The following TMEM163 variants were observed in gnomAD, a reference collection of about 807,000 sequenced individuals.
TMEM163 encodes transmembrane protein 163.
Under a neutral mutation model 29.3 loss-of-function variants are expected in TMEM163, and 17 were observed. That is an observed-to-expected ratio of 0.58 (90% CI 0.40 to 0.87). The LOEUF is 0.87. Ranked by LOEUF, TMEM163 falls within the 40% of genes least tolerant of loss-of-function variation. The pLI is 0.00. For missense variants in TMEM163, 303 were observed against 381.5 expected (o/e 0.79, Z 1.71); for synonymous variants, 157 against 160.6 (o/e 0.98, Z 0.17).
intron 2 of TMEM163, among the ~76,000 whole-genome samples, chr2:134,566,368 C>G (rs1277120171): frequency 6.6e-6 from 1 of 152,030 alleles, no homozygotes; most frequent in African/African-American, 2.4e-5. Context: ...TCGAGACCAG[C>G]CCAGCCAATA....
Position 134,456,688 on chromosome 2 carries a change from G to A in TMEM163, c.*28C>T, listed in dbSNP as rs2289470. 0.15 allele frequency: 245,961 copies of A among 1,612,514 alleles called. 20,694 individuals carry two copies. Among genetic ancestry groups the A allele is most frequent in the African/African-American group, 0.28 (21,203 of 74,846 alleles). ...TGCCTATGTGGAAACTCCTCATCTCGATGGTCTCATGCGGATGCTGGCCCC... is the reference window on the plus strand; with the variant it reads ...TGCCTATGTGGAAACTCCTCATCTCAATGGTCTCATGCGGATGCTGGCCCC... On this transcript the variant is annotated 3_prime_UTR_variant, in exon 8 of 8. Transcript: ENST00000281924.
chr2:134,571,542 T>C (rs1182402349), intron 2 of TMEM163, among the ~76,000 whole-genome samples: 1 of 152,046 alleles, frequency 6.6e-6, no homozygotes, highest in South Asian at 2.1e-4. Flanking sequence ...ATATTAGGGG[T>C]CCCCAAGACT....
chr2:134,544,911 C>G (rs953034151), intron 4 of TMEM163, among the ~76,000 whole-genome samples: 1 of 152,162 alleles, frequency 6.6e-6, no homozygotes, highest in Non-Finnish European at 1.5e-5. Context: ...AGAACACAGC[C>G]ATCGCCGCTG....
chr2:134,676,826 T>C (rs887555977), intron 2 of TMEM163, among the ~76,000 whole-genome samples: 1 of 152,146 alleles, frequency 6.6e-6, no homozygotes, highest in East Asian at 1.9e-4. Context: ...AACATAAAAA[T>C]ATTTGAGACG....
chr2:134,608,920 G>C (rs1489047999), intron 2 of TMEM163, among the ~76,000 whole-genome samples: 16 of 67,524 alleles, frequency 2.4e-4, no homozygotes, highest in African/African-American at 6.0e-4. Context: ...CCCGAGAACT[G>C]TGCTGGTGAA....
intron 2 of TMEM163, among the ~76,000 whole-genome samples, chr2:134,690,365 AACCTCC>A (rs1684439957): frequency 1.3e-5 from 2 of 151,660 alleles, no homozygotes; most frequent in South Asian, 4.2e-4. Context: ...GGCTCACTGT[AACCTCC>A]ACCTCCTGGG....
At chr2:134,632,736 A>C (rs1682994263) in intron 2 of TMEM163, among the ~76,000 whole-genome samples, 1 of 149,224 alleles carries the variant, frequency 6.7e-6, no homozygotes. Flanking sequence ...AAAAGGCCCT[A>C]TGTTCTTTTT....
chr2:134,602,477 A>G (rs1422638959), intron 2 of TMEM163, among the ~76,000 whole-genome samples: 1 of 152,124 alleles, frequency 6.6e-6, no homozygotes, highest in Non-Finnish European at 1.5e-5. Flanking sequence ...GCCTAGCCCC[A>G]GTTAGGAAGT....
intron 5 of TMEM163, among the ~76,000 whole-genome samples, chr2:134,473,374 A>G (rs1431230981): frequency 6.6e-6 from 1 of 151,978 alleles, no homozygotes; most frequent in Non-Finnish European, 1.5e-5. Context: ...TGTCTCTACT[A>G]AAAATACAAA....
chr2:134,590,266 G>A (rs894482558), intron 2 of TMEM163, among the ~76,000 whole-genome samples: 11 of 152,022 alleles, frequency 7.2e-5, no homozygotes, highest in Middle Eastern at 3.2e-3. Flanking sequence ...AAAGCCAGTC[G>A]GTGGCCAAAC....
At chr2:134,625,443 T>C (rs1682827375) in intron 2 of TMEM163, among the ~76,000 whole-genome samples, 2 of 152,212 alleles carry the variant, frequency 1.3e-5, no homozygotes, top group South Asian at 4.1e-4. Flanking sequence ...CACATATGTA[T>C]TGCTTTCCAT....
At chr2:134,558,529 G>C (rs1032084396) in intron 2 of TMEM163, among the ~76,000 whole-genome samples, 1 of 152,178 alleles carries the variant, frequency 6.6e-6, no homozygotes, top group African/African-American at 2.4e-5. Flanking sequence ...CTGGAAAATG[G>C]ACAGGACCCA....
intron 2 of TMEM163, among the ~76,000 whole-genome samples, chr2:134,677,995 A>C (rs568341973): frequency 6.6e-6 from 1 of 152,260 alleles, no homozygotes. Context: ...AGCACAAAAA[A>C]CGAAGGCGTG....
intron 5 of TMEM163, among the ~76,000 whole-genome samples, chr2:134,480,019 C>A (rs1264593251): frequency 6.6e-6 from 1 of 152,218 alleles, no homozygotes; most frequent in East Asian, 1.9e-4. Context: ...GTCAGCTTTT[C>A]TCCTGGAAGA....
At chr2:134,624,584 T>C (rs1682808967) in intron 2 of TMEM163, among the ~76,000 whole-genome samples, 1 of 152,120 alleles carries the variant, frequency 6.6e-6, no homozygotes, top group Non-Finnish European at 1.5e-5. Flanking sequence ...AACCTGCACA[T>C]GTACCCCTGA....
chr2:134,493,404 C>A (rs762959886), intron 5 of TMEM163, among the ~76,000 whole-genome samples: 13 of 106,356 alleles, frequency 1.2e-4, no homozygotes, highest in Non-Finnish European at 2.2e-4. Context: ...GATGGAGTCT[C>A]ACTCTGTCGC....
chr2:134,565,221 G>A (rs1681273073), intron 2 of TMEM163, among the ~76,000 whole-genome samples: 1 of 152,066 alleles, frequency 6.6e-6, no homozygotes, highest in African/African-American at 2.4e-5. Context: ...CTGGGTGACA[G>A]AGCAAGACTG....
intron 2 of TMEM163, among the ~76,000 whole-genome samples, chr2:134,686,421 C>T (rs913275950): frequency 6.6e-6 from 1 of 152,104 alleles, no homozygotes; most frequent in Non-Finnish European, 1.5e-5. Context: ...AGGGGCAGAA[C>T]CCCAGTCAAA....
chr2:134,650,388 T>C (rs1263886497), intron 2 of TMEM163, among the ~76,000 whole-genome samples: 1 of 152,094 alleles, frequency 6.6e-6, no homozygotes, highest in Non-Finnish European at 1.5e-5. Flanking sequence ...TTATAGGTGA[T>C]GATATAAATC....
Sources: allele counts gnomAD v4.1 joint callset (sites outside exome capture counted in the v4.1 genomes callset), GRCh38; gene constraint gnomAD v4.1.1; transcripts MANE v1.5; gene names NCBI Gene and HGNC (gene_info 2026-07-23, HGNC 2026-07-21).